PRKN: variants seen among roughly 807,000 people sequenced by gnomAD.
The protein encoded by PRKN is E3 ubiquitin-protein ligase parkin.
In PRKN, 56 loss-of-function variants were observed where a neutral mutation model predicts 59.5. The observed-to-expected ratio is 0.94, with a 90% CI of 0.76 to 1.18. The LOEUF is 1.18. PRKN is among the 50% of genes most tolerant of loss of function. PRKN has a pLI of 0.00. For synonymous variants in PRKN, 250 were observed against 222.1 expected, an observed-to-expected ratio of 1.13 and a Z score of -1.12; for missense variants, 657 against 596.4, an observed-to-expected ratio of 1.10 and a Z score of -1.06.
Position 161,562,455 on chromosome 6 carries a change from G to A in PRKN, c.933+6900C>T, listed in dbSNP as rs1179899623. On this transcript the variant is annotated intron_variant, in intron 8 of 11. Coordinates refer to ENST00000366898, the MANE Select transcript of PRKN (RefSeq NM_004562.3). This position sits in a 1 kb window ranked among gnomAD's most constrained non-coding sequence, Gnocchi z 4.3. ...TGTTCCTTACGGTTCATCCAATCAC[G>A]GTCTCTCCTTTCTTGGCTTCTTCTG... 2.6e-5 allele frequency among the ~76,000 whole-genome samples: 4 copies of A among 152,064 alleles called. No homozygotes were observed. Among genetic ancestry groups the A allele is most frequent in the African/African-American group, 4.8e-5 (2 of 41,402 alleles).
At chr6:162,300,690 G>C (rs1781902979) in intron 2 of PRKN, among the ~76,000 whole-genome samples, 2 of 152,050 alleles carry the variant, frequency 1.3e-5, no homozygotes, top group Admixed American at 1.3e-4. Flanking sequence ...TCAAGAGCCA[G>C]GATGTAGACA....
intron 7 of PRKN, among the ~76,000 whole-genome samples, chr6:161,619,337 TTTTC>T (rs1782807423): frequency 6.6e-6 from 1 of 151,654 alleles, no homozygotes; most frequent in Non-Finnish European, 1.5e-5. Context: ...TTTTTTTTTT[TTTTC>T]TTCTCCTTAC....
intron 6 of PRKN, among the ~76,000 whole-genome samples, chr6:161,957,712 C>T (rs531556478): frequency 7.2e-5 from 11 of 152,178 alleles, no homozygotes; most frequent in East Asian, 1.9e-4. Context: ...CGTGAGTCAC[C>T]GCGCCCAGCC....
chr6:162,467,671 GAAAA>G (rs1006023093), intron 1 of PRKN, among the ~76,000 whole-genome samples: 7 of 151,962 alleles, frequency 4.6e-5, no homozygotes, highest in Non-Finnish European at 1.0e-4. Context: ...CTTGACACAA[GAAAA>G]AACTCACGTC....
In PRKN at chr6:161,451,956, C is replaced by T. The variant is rs891287778; in HGVS notation, c.1084-65079G>A. On this transcript the variant is annotated intron_variant, in intron 9 of 11. Coordinates refer to ENST00000366898, the MANE Select transcript of PRKN (RefSeq NM_004562.3). This position sits in a 1 kb window ranked among gnomAD's most constrained non-coding sequence, Gnocchi z 5.9. Reference sequence around the variant, plus strand: ...TTCTTTTCTTTTACTTTTTTCTTTTCTTTTCTTTTCTTTTTTTGGGATGGA... The same window carrying T: ...TTCTTTTCTTTTACTTTTTTCTTTTTTTTTCTTTTCTTTTTTTGGGATGGA... Among the ~76,000 whole-genome samples the T allele has an allele frequency of 1.2e-4, 18 of 146,090 alleles. No individual in the cohort carries two copies. The highest frequency in any genetic ancestry group is 1.2e-3 in the Admixed American group (18 of 14,738).
intron 5 of PRKN, among the ~76,000 whole-genome samples, chr6:162,036,433 G>A (rs1260039592): frequency 3.3e-5 from 5 of 151,408 alleles, no homozygotes; most frequent in Admixed American, 6.6e-5. Context: ...AGGGTGGAGT[G>A]CAACGGCAGG....
At chr6:162,328,310 G>T (rs1030525371) in intron 2 of PRKN, among the ~76,000 whole-genome samples, 2 of 152,034 alleles carry the variant, frequency 1.3e-5, no homozygotes, top group African/African-American at 2.4e-5. Flanking sequence ...AGGCTGCAGC[G>T]AGCCGAGATC....
At chr6:162,001,608 T>G (rs909074584) in intron 5 of PRKN, among the ~76,000 whole-genome samples, 2 of 152,056 alleles carry the variant, frequency 1.3e-5, no homozygotes, top group Non-Finnish European at 2.9e-5. Flanking sequence ...AATGATAGTT[T>G]TATTTCTTCC....
intron 2 of PRKN, among the ~76,000 whole-genome samples, chr6:162,419,923 A>T (rs1363666260): frequency 6.6e-6 from 1 of 152,074 alleles, no homozygotes. Flanking sequence ...AAATTTTAGA[A>T]AATTACAGTG....
In PRKN at chr6:161,423,407, C is replaced by T. The variant is rs1380319914; in HGVS notation, c.1084-36530G>A. 1.3e-5 allele frequency among the ~76,000 whole-genome samples: 2 copies of T among 152,138 alleles called. No individual in the cohort carries two copies. Among genetic ancestry groups the T allele is most frequent in the Non-Finnish European group, 2.9e-5 (2 of 68,040 alleles). On this transcript the variant is annotated intron_variant, in intron 9 of 11. Transcript: ENST00000366898. This position sits in a 1 kb window ranked among gnomAD's most constrained non-coding sequence, Gnocchi z 5.9. ...AGGTGAGTACTGCGATGCAGTTACA[C>T]GTCGTAACCACCTGAATTTTATGGG... is the stretch of plus-strand genomic sequence containing the variant.
chr6:161,755,926 G>A (rs903071617), intron 7 of PRKN, among the ~76,000 whole-genome samples: 1 of 152,038 alleles, frequency 6.6e-6, no homozygotes, highest in Non-Finnish European at 1.5e-5. Context: ...GTGGGCAATA[G>A]GTGTTGGAAA....
chr6:161,481,648 C>T (rs1050866231), intron 9 of PRKN, among the ~76,000 whole-genome samples: 2 of 151,842 alleles, frequency 1.3e-5, no homozygotes, highest in African/African-American at 2.4e-5. Flanking sequence ...CAAAAACAAA[C>T]AAGGAAAAAA....
chr6:161,940,164 G>C (rs185856195), intron 6 of PRKN, among the ~76,000 whole-genome samples: 2 of 152,206 alleles, frequency 1.3e-5, no homozygotes, highest in African/African-American at 2.4e-5. Flanking sequence ...CCAAAGTGCT[G>C]GGATTATAGG....
intron 4 of PRKN, among the ~76,000 whole-genome samples, chr6:162,178,978 C>G (rs1314049076): frequency 1.3e-5 from 2 of 152,114 alleles, no homozygotes; most frequent in Non-Finnish European, 2.9e-5. Flanking sequence ...CTCGAGCGAT[C>G]CTCCCACCTT....
At chr6:162,339,142 C>T (rs1360702998) in intron 2 of PRKN, among the ~76,000 whole-genome samples, 5 of 149,694 alleles carry the variant, frequency 3.3e-5, no homozygotes, top group African/African-American at 1.2e-4. Flanking sequence ...CCGGCAGCCG[C>T]CCCGTCTGAG....
intron 6 of PRKN, among the ~76,000 whole-genome samples, chr6:161,916,453 C>A (rs529609536): frequency 6.6e-6 from 1 of 152,214 alleles, no homozygotes; most frequent in South Asian, 2.1e-4. Flanking sequence ...GAAAAATATT[C>A]TCATGAGTGA....
At chr6:162,395,017 G>A (rs572493406) in intron 2 of PRKN, among the ~76,000 whole-genome samples, 6 of 152,224 alleles carry the variant, frequency 3.9e-5, no homozygotes, top group Non-Finnish European at 5.9e-5. Context: ...ACAAAGAAGT[G>A]TCCAAATTTG....
At chr6:162,158,440 GTTTGTT>G (rs1369192717) in intron 4 of PRKN, among the ~76,000 whole-genome samples, 4 of 141,816 alleles carry the variant, frequency 2.8e-5, no homozygotes, top group Admixed American at 7.1e-5. Flanking sequence ...TTTTCTTTTG[GTTTGTT>G]TTTGAGATGG....
intron 1 of PRKN, among the ~76,000 whole-genome samples, chr6:162,724,040 CT>C (rs1779034073): frequency 6.6e-6 from 1 of 152,180 alleles, no homozygotes; most frequent in Non-Finnish European, 1.5e-5. Context: ...ACCATGCACT[CT>C]AATATCTGCT....
Sources: allele counts gnomAD v4.1 joint callset (sites outside exome capture counted in the v4.1 genomes callset), GRCh38; gene constraint gnomAD v4.1.1; non-coding constraint Gnocchi (gnomAD v3.1); transcripts MANE v1.5; gene names NCBI Gene and HGNC (gene_info 2026-07-23, HGNC 2026-07-21).